Variants in SELENOH observed in about 807,000 individuals in gnomAD.
SELENOH encodes selenoprotein H, also known as chromosome 11 open reading frame 31.
A neutral mutation model predicts 11.9 loss-of-function variants in SELENOH; 13 were observed. That is an observed-to-expected ratio of 1.09 (90% CI 0.71 to 1.74). The LOEUF is 1.74. Ranked by LOEUF, SELENOH falls within the 40% of genes most tolerant of loss-of-function variation. SELENOH has a pLI of 0.00. For synonymous variants in SELENOH, 96 were observed against 73.5 expected (o/e 1.31, Z -1.56); for missense variants, 223 against 170.3 (o/e 1.31, Z -1.72).
Position 57,743,347 on chromosome 11 carries a change from C to G in SELENOH, c.*515C>G, listed in dbSNP as rs996100759. 1 of 151,826 alleles carries G rather than the reference C, an allele frequency of 6.6e-6. No individual in the cohort carries two copies. The highest frequency in any genetic ancestry group is 1.9e-4 in the East Asian group (1 of 5,180). The allele number at this position is 151,826 out of a possible 1,614,324, so 9.4% of individuals were successfully genotyped here. On this transcript the variant is annotated 3_prime_UTR_variant, in exon 4 of 4. Coordinates refer to ENST00000534355, the MANE Select transcript of SELENOH (RefSeq NM_170746.4). ...TTTTTATTTTTATTTTTAGTAAAGG[C>G]GGGGTTTCACCATGTTGGCCAGGCT...
chr11:57,742,080 C>G (rs751630667), intron 2 of SELENOH, 37 bp from the exon 3 acceptor site: 4 of 1,596,130 alleles, frequency 2.5e-6, no homozygotes, highest in Admixed American at 3.5e-5. Flanking sequence ...TCGTGGGTTC[C>G]GAAGTATTGT....
In SELENOH at chr11:57,742,207, A is replaced by G; in HGVS notation, c.359A>G (p.Tyr120Cys). 3 of 1,608,868 alleles carry G rather than the reference A, an allele frequency of 1.9e-6. No individual in the cohort carries two copies. The highest frequency in any genetic ancestry group is 2.5e-6 in the Non-Finnish European group (3 of 1,177,728). The part of the protein sequence containing the change: ...PQEVVEELKK[Y>C]LS ...GAGGTGGTGGAAGAGTTGAAGAAGT[A>G]CCTGTCGTAGGGAGATTTGGGTAGA... The change falls in exon 3 of 4, where the codon TAC (tyrosine) becomes TGC (cysteine). Residue 120 changes from tyrosine to cysteine, a missense_variant. Coordinates refer to ENST00000534355, the MANE Select transcript of SELENOH (RefSeq NM_170746.4).
Position 57,741,897 on chromosome 11 carries a change from C to G in SELENOH, c.211C>G (p.Pro71Ala), listed in dbSNP as rs1344543809. The G allele has an allele frequency of 5.0e-6, 8 of 1,593,944 alleles. No homozygotes were observed. Among genetic ancestry groups the G allele is most frequent in the African/African-American group, 2.7e-5 (2 of 73,574 alleles). Residue 71 changes from proline (P) to alanine (A), a missense_variant, in exon 2 of 4, where the codon CCG (proline) becomes GCG (alanine). By Grantham distance (27) the Pro-to-Ala change is conservative. Coordinates refer to ENST00000534355, the MANE Select transcript of SELENOH (RefSeq NM_170746.4). ...EAPELPVKVN[P>A]TKPRRGSFEV... ...CCCAGAGCTTCCAGTAAAGGTGAAC[C>G]CGACGAAGCCCCGGAGGGGCAGCTT...
chr11:57,741,549 C>T lies in SELENOH; in HGVS notation c.-47C>T. 4.0e-6 allele frequency: 5 copies of T among 1,242,232 alleles called. No homozygotes were observed. The highest frequency in any genetic ancestry group is 8.3e-5 in the South Asian group (2 of 24,186). 77.0% of individuals were successfully genotyped at this position (1,242,232 alleles called of 1,614,324 possible). On this transcript the variant is annotated 5_prime_UTR_variant, in exon 1 of 4. Transcript: ENST00000534355. The stretch of plus-strand genomic sequence containing the variant: ...TTCCGCTCAGTGGTCGCGTCTCCGC[C>T]CCCCACCCACCAGTCCCGCTGCATT...
Position 57,741,623 on chromosome 11 carries a change from G to C in SELENOH, c.28G>C (p.Ala10Pro). Reference sequence around the variant, plus strand: ...GGCTCCCCGCGGGAGGAAGCGTAAGGCTGAGGCCGCGGTGGTCGCCGTAGC... The same window carrying C: ...GGCTCCCCGCGGGAGGAAGCGTAAGCCTGAGGCCGCGGTGGTCGCCGTAGC... MAPRGRKRK[A>P]EAAVVAVAEK... Residue 10 changes from alanine (A) to proline (P), a missense_variant, in exon 1 of 4, where the codon GCT (alanine) becomes CCT (proline). By Grantham distance (27) the Ala-to-Pro change is conservative. Coordinates refer to ENST00000534355, the MANE Select transcript of SELENOH (RefSeq NM_170746.4). The C allele has an allele frequency of 1.5e-6, 2 of 1,317,646 alleles. No homozygotes were observed. Among genetic ancestry groups the C allele is most frequent in the Non-Finnish European group, 1.9e-6 (2 of 1,027,210 alleles). The allele number at this position is 1,317,646 out of a possible 1,614,324, so 81.6% of individuals were successfully genotyped here.
At chr11:57,742,045 C>T in intron 2 of SELENOH, 72 bp from the exon 3 acceptor site, 1 of 1,582,654 alleles carries the variant, frequency 6.3e-7, no homozygotes, top group South Asian at 1.1e-5. Context: ...GAAACCACGG[C>T]AGTCTCATGA....
rs1364031616 is a variant in SELENOH, at chr11:57,743,140, C to A, written c.*308C>A. The A allele has an allele frequency of 1.3e-5, 2 of 152,342 alleles. No homozygotes were observed. The highest frequency in any genetic ancestry group is 4.8e-5 in the African/African-American group (2 of 41,364). 9.4% of individuals were successfully genotyped at this position (152,342 alleles called of 1,614,324 possible). A position where few individuals can be genotyped will look rare whatever the true frequency, so the allele number is the denominator to read the frequency against. On this transcript the variant is annotated 3_prime_UTR_variant, in exon 4 of 4. Coordinates refer to ENST00000534355, the MANE Select transcript of SELENOH (RefSeq NM_170746.4). Reference sequence around the variant, plus strand: ...TCATAGCCCAAGATAGCCATGTGACCTGGAACTTTTAAAAAAAAATTTTTT... The same window carrying A: ...TCATAGCCCAAGATAGCCATGTGACATGGAACTTTTAAAAAAAAATTTTTT...
rs1400157518 is a variant in SELENOH, at chr11:57,743,296, G to C, written c.*464G>C. 6.6e-6 allele frequency: 1 copy of C among 152,104 alleles called. No homozygotes were observed. 9.4% of individuals were successfully genotyped at this position (152,104 alleles called of 1,614,324 possible). A position where few individuals can be genotyped will look rare whatever the true frequency, so the allele number is the denominator to read the frequency against. ...GTCTCCTGAGTAGCTGGGATCACAGGTGCACACCACCACGCCTGGCTAATT... is the reference window on the plus strand; with the variant it reads ...GTCTCCTGAGTAGCTGGGATCACAGCTGCACACCACCACGCCTGGCTAATT... On this transcript the variant is annotated 3_prime_UTR_variant, in exon 4 of 4. Transcript: ENST00000534355.
chr11:57,742,153 C>T lies in SELENOH; in HGVS notation c.305C>T (p.Pro102Leu). The T allele has an allele frequency of 1.9e-6, 3 of 1,612,142 alleles. No individual in the cohort carries two copies. Among genetic ancestry groups the T allele is most frequent in the Non-Finnish European group, 2.5e-6 (3 of 1,179,186 alleles). Residue 102 changes from proline (P) to leucine (L), a missense_variant, in exon 3 of 4, where the codon CCA (proline) becomes CTA (leucine). Transcript: ENST00000534355. ...TGGACTGGGATTAAGAAGGGGCCCC[C>T]ACGCAAACTCAAATTCCCTGAGCCT... Reference protein sequence around the residue: ...ELWTGIKKGPPRKLKFPEPQE... With the variant: ...ELWTGIKKGPLRKLKFPEPQE...
rs1283153166 is a variant in SELENOH at position 57,741,606 on chromosome 11, G to A, written c.11G>A (p.Arg4His). ...CGGGCTCTAGGCGCCATGGCTCCCCGCGGGAGGAAGCGTAAGGCTGAGGCC... is the reference window on the plus strand; with the variant it reads ...CGGGCTCTAGGCGCCATGGCTCCCCACGGGAGGAAGCGTAAGGCTGAGGCC... MAPRGRKRKAEAAV... is the reference protein window; with the variant it reads MAPHGRKRKAEAAV... Residue 4 changes from arginine (R) to histidine (H), a missense_variant, in exon 1 of 4, where the codon CGC (arginine) becomes CAC (histidine). Coordinates refer to ENST00000534355, the MANE Select transcript of SELENOH (RefSeq NM_170746.4). 3 of 1,272,304 alleles carry A rather than the reference G, an allele frequency of 2.4e-6. No individual in the cohort carries two copies. The highest frequency in any genetic ancestry group is 2.0e-6 in the Non-Finnish European group (2 of 1,001,728). The allele number at this position is 1,272,304 out of a possible 1,614,324, so 78.8% of individuals were successfully genotyped here.
At chr11:57,742,738 G>T in intron 3 of SELENOH, 125 bp from the exon 4 acceptor site, 1 of 155,664 alleles carries the variant, frequency 6.4e-6, no homozygotes, top group Non-Finnish European at 1.4e-5. Flanking sequence ...AGTGAGATTT[G>T]GAGGAAGGAT....
chr11:57,741,887 A>G lies in SELENOH; in HGVS notation c.201A>G (p.Val67=). ...GCCTGGAGGCCCCAGAGCTTCCAGT[A>G]AAGGTGAACCCGACGAAGCCCCGGA... The part of the protein sequence containing the change: ...ALRLEAPELP[V]KVNPTKPRRG... Residue 67 remains valine, a synonymous_variant, in exon 2 of 4, where the codon GTA becomes GTG. Coordinates refer to ENST00000534355, the MANE Select transcript of SELENOH (RefSeq NM_170746.4). 6.3e-7 allele frequency: 1 copy of G among 1,596,924 alleles called. No individual in the cohort carries two copies. Among genetic ancestry groups the G allele is most frequent in the Non-Finnish European group, 8.5e-7 (1 of 1,175,406 alleles).
At chr11:57,742,439 A>C (rs1006314838) in intron 3 of SELENOH, 192 bp downstream of exon 3, 6 of 545,790 alleles carry the variant, frequency 1.1e-5, no homozygotes, top group East Asian at 3.2e-5. Flanking sequence ...AAAAGACACA[A>C]TATTGTTTTC....
rs201826539 is a variant in SELENOH at position 57,741,852 on chromosome 11, C to T, written c.166C>T (p.Gln56Ter). 95 of 1,605,856 alleles carry T rather than the reference C, an allele frequency of 5.9e-5. No individual in the cohort carries two copies. Among genetic ancestry groups the T allele is most frequent in the Non-Finnish European group, 7.7e-5 (91 of 1,176,952 alleles). Reference protein sequence around the residue: ...VYGRNAAALSQALRLEAPELP... With the variant: ...VYGRNAAALS ...TGGGCGCAACGCCGCGGCCCTGAGC[C>T]AGGCGCTGCGCCTGGAGGCCCCAGA... The change falls in exon 2 of 4, where the codon CAG (glutamine) becomes TAG (stop). Residue 56 changes from glutamine (Q) to a stop codon, truncating the protein, a stop_gained. Coordinates refer to ENST00000534355, the MANE Select transcript of SELENOH (RefSeq NM_170746.4). LOFTEE classifies it high-confidence loss of function.
chr11:57,742,074 G>A (rs750730948), intron 2 of SELENOH, 43 bp from the exon 3 acceptor site: 5 of 1,592,894 alleles, frequency 3.1e-6, no homozygotes, highest in South Asian at 1.1e-5. Context: ...ACGTGCTCGT[G>A]GGTTCCGAAG....
Position 57,741,621 on chromosome 11 carries a change from A to C in SELENOH, c.26A>C (p.Lys9Thr). Residue 9 changes from lysine (K) to threonine (T), a missense_variant, in exon 1 of 4, where the codon AAG (lysine) becomes ACG (threonine). Lys to Thr is a moderately conservative substitution (Grantham distance 78, BLOSUM62 -1). Coordinates refer to ENST00000534355, the MANE Select transcript of SELENOH (RefSeq NM_170746.4). MAPRGRKR[K>T]AEAAVVAVAE... ...ATGGCTCCCCGCGGGAGGAAGCGTAAGGCTGAGGCCGCGGTGGTCGCCGTA... is the reference window on the plus strand; with the variant it reads ...ATGGCTCCCCGCGGGAGGAAGCGTACGGCTGAGGCCGCGGTGGTCGCCGTA... 1 of 1,300,252 alleles carries C rather than the reference A, an allele frequency of 7.7e-7. No individual in the cohort carries two copies. The allele number at this position is 1,300,252 out of a possible 1,614,324, so 80.5% of individuals were successfully genotyped here.
chr11:57,741,531 C>T lies in SELENOH; in HGVS notation c.-65C>T, dbSNP rs1949069665. 2 of 1,222,850 alleles carry T rather than the reference C, an allele frequency of 1.6e-6. No homozygotes were observed. The highest frequency in any genetic ancestry group is 8.4e-5 in the Admixed American group (2 of 23,732). The allele number at this position is 1,222,850 out of a possible 1,614,324, so 75.7% of individuals were successfully genotyped here. On this transcript the variant is annotated 5_prime_UTR_variant, in exon 1 of 4. Transcript: ENST00000534355. ...CGCTCTTCGTTGCCCAGTTTCCGCTCAGTGGTCGCGTCTCCGCCCCCCACC... is the reference window on the plus strand; with the variant it reads ...CGCTCTTCGTTGCCCAGTTTCCGCTTAGTGGTCGCGTCTCCGCCCCCCACC...
rs1183469388 is a variant in SELENOH at position 57,741,680 on chromosome 11, G to A, written c.85G>A (p.Glu29Lys). 2.0e-6 allele frequency: 3 copies of A among 1,484,708 alleles called. No homozygotes were observed. The highest frequency in any genetic ancestry group is 1.3e-5 in the South Asian group (1 of 75,356). 92.0% of individuals were successfully genotyped at this position (1,484,708 alleles called of 1,614,324 possible). A position where few individuals can be genotyped will look rare whatever the true frequency, so the allele number is the denominator to read the frequency against. ...GCGAGAGAAGCTGGCGAACGGCGGG[G>A]AGGGAATGGAGGAGGCGACCGTTGT... The part of the protein sequence containing the change: ...EKREKLANGG[E>K]GMEEATVVIE... Residue 29 changes from glutamate (E) to lysine (K), a missense_variant, in exon 1 of 4, where the codon GAG (glutamate) becomes AAG (lysine). Transcript: ENST00000534355.
rs1949108055 is a variant in SELENOH at position 57,742,383 on chromosome 11, T to C, written c.*30+136T>C. ...GCACTCTGGGAGGTCGAGGCAGGAG[T>C]GGATGGCCAACACAGGGAGACCCTA... On this transcript the variant is annotated intron_variant, in intron 3 of 3. Coordinates refer to ENST00000534355, the MANE Select transcript of SELENOH (RefSeq NM_170746.4). 8 of 641,546 alleles carry C rather than the reference T, an allele frequency of 1.2e-5. No individual in the cohort carries two copies. The East Asian group carries it at 1.9e-4, about 15-fold the overall frequency. The allele number at this position is 641,546 out of a possible 1,614,324, so 39.7% of individuals were successfully genotyped here.
Sources: gnomAD v4.1 joint callset for allele counts on GRCh38, gnomAD v4.1.1 for gene constraint, MANE v1.5 for transcripts, NCBI Gene and HGNC (gene_info 2026-07-23, HGNC 2026-07-21) for gene names.